The following TOPBP1 variants were observed in gnomAD, a reference collection of about 807,000 sequenced individuals.
The protein encoded by TOPBP1 is DNA topoisomerase 2-binding protein 1.
TOPBP1 carries 28 observed loss-of-function variants against 167.7 expected under a neutral mutation model. That is an observed-to-expected ratio of 0.17 (90% confidence interval 0.12 to 0.23). The LOEUF is 0.23. Among genes scored for constraint, TOPBP1 ranks in the 10% least tolerant of loss-of-function variants. TOPBP1 has a pLI of 1.00. For synonymous variants in TOPBP1, 598 were observed against 611.4 expected (o/e 0.98, Z 0.32); for missense variants, 1,554 against 1,809.6 (o/e 0.86, Z 2.56).
chr3:133,630,098 A>G (rs1404412191), intron 14 of TOPBP1, among the ~76,000 whole-genome samples: 1 of 151,624 alleles, frequency 6.6e-6, no homozygotes, highest in Non-Finnish European at 1.5e-5. Flanking sequence ...ATGTATATTT[A>G]TATCTAATTT....
At position 133,620,284 on chromosome 3, in the gene TOPBP1, G is replaced by A. The variant is rs1330608063; in HGVS notation, c.3242C>T (p.Ala1081Val). Residue 1081 changes from alanine (A) to valine (V), a missense_variant, in exon 20 of 28, where the codon GCA (alanine) becomes GTA (valine). Around this residue, in one of 3 missense-constraint regions of TOPBP1, gnomAD observed 1,197 missense variants for 1,351.5 expected, o/e 0.89. Transcript: ENST00000260810. ...FQKQLQEIMS[A>V]TSIVKPQGQR... ...CCCTTGGGGTTTCACTATTGATGTTGCAGACATTATCTCCTGTAACTGCTT... is the reference window on the plus strand; with the variant it reads ...CCCTTGGGGTTTCACTATTGATGTTACAGACATTATCTCCTGTAACTGCTT... 3.1e-6 allele frequency: 5 copies of A among 1,613,828 alleles called. No individual in the cohort carries two copies. Among genetic ancestry groups the A allele is most frequent in the African/African-American group, 1.3e-5 (1 of 74,908 alleles).
chr3:133,657,464 C>T (rs968636591), intron 4 of TOPBP1, among the ~76,000 whole-genome samples: 2 of 150,918 alleles, frequency 1.3e-5, no homozygotes, highest in African/African-American at 4.9e-5. Context: ...TCACTGCAAC[C>T]TCCACCTCCC....
chr3:133,655,964 T>C (rs1419763087), intron 5 of TOPBP1, among the ~76,000 whole-genome samples: 1 of 151,914 alleles, frequency 6.6e-6, no homozygotes, highest in Admixed American at 6.6e-5. Context: ...GGAATGAGAG[T>C]TGCTGACATG....
At chr3:133,655,214 A>T in intron 6 of TOPBP1, 76 bp downstream of exon 6, 1 of 956,654 alleles carries the variant, frequency 1.0e-6, no homozygotes, top group African/African-American at 1.7e-5. Flanking sequence ...CAAAATAAAT[A>T]AATAAATAAA....
chr3:133,623,268 C>G (rs1457865086), intron 18 of TOPBP1, 43 bp downstream of exon 18: 2 of 1,612,334 alleles, frequency 1.2e-6, no homozygotes, highest in African/African-American at 2.7e-5. Context: ...ATGATTATAC[C>G]TTTAGCTTAA....
chr3:133,611,175 C>A (rs1413331999), intron 24 of TOPBP1, 34 bp from the exon 25 acceptor site: 7 of 1,596,012 alleles, frequency 4.4e-6, no homozygotes, highest in Non-Finnish European at 6.0e-6. Context: ...TGAGTTGTTA[C>A]AGTCTGGGGA....
rs1576320975 is a variant in TOPBP1 at position 133,661,185 on chromosome 3, A to G, written c.-7-51T>C. 6.5e-6 allele frequency: 9 copies of G among 1,393,460 alleles called. No homozygotes were observed. The East Asian group carries it at 2.0e-4, about 32-fold the overall frequency. The allele number at this position is 1,393,460 out of a possible 1,614,324, so 86.3% of individuals were successfully genotyped here. A position where few individuals can be genotyped will look rare whatever the true frequency, so the allele number is the denominator to read the frequency against. On this transcript the variant is annotated intron_variant, in intron 1 of 27. Transcript: ENST00000260810. ...AAGAACAAAACCACATTAGATAAAA[A>G]GTTGCATGTTTAACCTACCTATTTT...
intron 6 of TOPBP1, 85 bp from the exon 7 acceptor site, chr3:133,653,609 T>C: frequency 8.4e-7 from 1 of 1,192,342 alleles, no homozygotes; most frequent in Non-Finnish European, 1.1e-6. Flanking sequence ...GCAGAAATAT[T>C]CAAATTATAA....
intron 3 of TOPBP1, among the ~76,000 whole-genome samples, chr3:133,658,502 T>G (rs1427690292): frequency 6.6e-6 from 1 of 150,552 alleles, no homozygotes. Context: ...AGAAATAAAC[T>G]TCAAAAGCCC....
At chr3:133,609,021 T>C in intron 25 of TOPBP1, 59 bp from the exon 26 acceptor site, 1 of 1,302,734 alleles carries the variant, frequency 7.7e-7, no homozygotes, top group Non-Finnish European at 1.1e-6. Context: ...ATAATACAGA[T>C]AATGCATGAT....
At chr3:133,615,541 A>G (rs1006592470) in intron 23 of TOPBP1, among the ~76,000 whole-genome samples, 2 of 152,184 alleles carry the variant, frequency 1.3e-5, no homozygotes, top group Non-Finnish European at 2.9e-5. Context: ...CTGAGCTGCC[A>G]GATTAACTTC....
At position 133,624,117 on chromosome 3, in the gene TOPBP1, T is replaced by C; in HGVS notation, c.2863A>G (p.Asn955Asp). The C allele has an allele frequency of 1.2e-6, 2 of 1,613,894 alleles. No individual in the cohort carries two copies. Among genetic ancestry groups the C allele is most frequent in the Non-Finnish European group, 1.7e-6 (2 of 1,179,840 alleles). ...TCTTTTACAGATTTATACTCCCGAT[T>C]AGTGTCATTTGGCCGCCCTTGATAG... ...FIYQGRPNDTNREYKSVKERG... is the reference protein window; with the variant it reads ...FIYQGRPNDTDREYKSVKERG... The change falls in exon 17 of 28, where the codon AAT (asparagine) becomes GAT (aspartate). Residue 955 changes from asparagine to aspartate, a missense_variant. Physicochemically the swap from Asn to Asp is conservative, Grantham distance 23. Transcript: ENST00000260810.
At chr3:133,660,074 A>G (rs1936633247) in intron 2 of TOPBP1, among the ~76,000 whole-genome samples, 1 of 152,170 alleles carries the variant, frequency 6.6e-6, no homozygotes, top group African/African-American at 2.4e-5. Flanking sequence ...ACAGTACACT[A>G]AACTTGGATA....
intron 6 of TOPBP1, 51 bp from the exon 7 acceptor site, chr3:133,653,575 T>C: frequency 1.4e-6 from 2 of 1,389,488 alleles, no homozygotes; most frequent in South Asian, 1.6e-5. Context: ...AACCAAGAAA[T>C]GAAAACCATT....
intron 24 of TOPBP1, among the ~76,000 whole-genome samples, chr3:133,611,409 C>G (rs1404067755): frequency 2.0e-5 from 3 of 152,128 alleles, no homozygotes; most frequent in Non-Finnish European, 4.4e-5. Flanking sequence ...ATAGCTATAT[C>G]TTGGCAACTG....
chr3:133,622,520 G>A (rs1299985189), intron 19 of TOPBP1, among the ~76,000 whole-genome samples: 1 of 151,586 alleles, frequency 6.6e-6, no homozygotes. Flanking sequence ...TTTTTTAATG[G>A]GGGAAAAACA....
chr3:133,619,908 G>C (rs558513489), intron 20 of TOPBP1, among the ~76,000 whole-genome samples: 1 of 152,278 alleles, frequency 6.6e-6, no homozygotes, highest in East Asian at 1.9e-4. Context: ...GAAAAATCTA[G>C]TCAGCAGAGA....
intron 13 of TOPBP1, among the ~76,000 whole-genome samples, chr3:133,638,899 T>C (rs57447001): frequency 0.06 from 9,187 of 152,234 alleles, 308 homozygotes; most frequent in Middle Eastern, 0.12. Context: ...TCTGGAACTT[T>C]AAATTTAGCA....
At position 133,608,556 on chromosome 3, in the gene TOPBP1, G is replaced by A; in HGVS notation, c.4404C>T (p.Tyr1468=). 1.2e-6 allele frequency: 2 copies of A among 1,613,676 alleles called. No homozygotes were observed. The highest frequency in any genetic ancestry group is 1.3e-5 in the African/African-American group (1 of 75,020). The stretch of plus-strand genomic sequence containing the variant: ...AAACCTGCATGAGATAATCAGCAAT[G>A]TATTCTGTTCTCAAGCAGTACACGT... ...AQNVYCLRTE[Y]IADYLMQESP... Residue 1468 remains tyrosine (Y), a synonymous_variant, in exon 27 of 28, where the codon TAC becomes TAT. Coordinates refer to ENST00000260810, the MANE Select transcript of TOPBP1 (RefSeq NM_007027.4).
Sources: gnomAD v4.1 joint callset for allele counts (sites outside exome capture counted in the v4.1 genomes callset) on GRCh38, gnomAD v4.1.1 for gene constraint, gnomAD v4.1.1 regional missense constraint, MANE v1.5 for transcripts, NCBI Gene and HGNC (gene_info 2026-07-23, HGNC 2026-07-21) for gene names.